The following LNX2 variants were observed in gnomAD, a reference collection of about 807,000 sequenced individuals.
LNX2 encodes ligand of numb-protein X 2.
A neutral mutation model predicts 66.2 loss-of-function variants in LNX2; 35 were observed. The observed-to-expected ratio is 0.53, with a 90% CI of 0.40 to 0.70. LNX2 has a LOEUF of 0.70. Among genes scored for constraint, LNX2 ranks in the 30% least tolerant of loss-of-function variants. LNX2 has a pLI of 0.00. For missense variants in LNX2, 791 were observed against 850.8 expected, an observed-to-expected ratio of 0.93 and a Z score of 0.87; for synonymous variants, 337 against 315.6, an observed-to-expected ratio of 1.07 and a Z score of -0.72.
At chr13:27,550,528 T>C in intron 8 of LNX2, 37 bp from the exon 9 acceptor site, 1 of 1,547,538 alleles carries the variant, frequency 6.5e-7, no homozygotes, top group Non-Finnish European at 8.8e-7. Context: ...AAAATTAACA[T>C]GGAGGCTTTT....
intron 9 of LNX2, among the ~76,000 whole-genome samples, chr13:27,549,707 T>C (rs1328367972): frequency 6.6e-6 from 1 of 152,248 alleles, no homozygotes; most frequent in Admixed American, 6.5e-5. Context: ...CCAGGCATCC[T>C]GTAAGCTATT....
rs142211787 is a variant in LNX2 at position 27,594,954 on chromosome 13, A to T, written c.-100-13151T>A. Among the ~76,000 whole-genome samples, 9 of 152,264 alleles carry T rather than the reference A, an allele frequency of 5.9e-5. No individual in the cohort carries two copies. The East Asian group carries it at 1.5e-3, about 26-fold the overall frequency. ...CTTCCGTCACAACACTAGTATCCAAAAAGCCATGATACTATTTTCCCTGCC... is the reference window on the plus strand; with the variant it reads ...CTTCCGTCACAACACTAGTATCCAATAAGCCATGATACTATTTTCCCTGCC... On this transcript the variant is annotated intron_variant, in intron 1 of 9. Coordinates refer to ENST00000316334, the MANE Select transcript of LNX2 (RefSeq NM_153371.4).
chr13:27,607,176 T>C (rs969624935), intron 1 of LNX2, among the ~76,000 whole-genome samples: 3 of 152,254 alleles, frequency 2.0e-5, no homozygotes, highest in Non-Finnish European at 1.5e-5. Flanking sequence ...AGTGTTATAA[T>C]ACATTTCTAA....
intron 1 of LNX2, among the ~76,000 whole-genome samples, chr13:27,595,043 A>C (rs1955582076): frequency 6.6e-6 from 1 of 152,184 alleles, no homozygotes; most frequent in Non-Finnish European, 1.5e-5. Flanking sequence ...TCAACCTTGC[A>C]ATTAAACCTT....
intron 4 of LNX2, among the ~76,000 whole-genome samples, chr13:27,563,015 G>A (rs34692286): frequency 4.6e-5 from 7 of 151,552 alleles, no homozygotes; most frequent in African/African-American, 7.3e-5. Flanking sequence ...CTAGGATCAC[G>A]GGCTTTAATG....
At chr13:27,597,539 T>A (rs1165784333) in intron 1 of LNX2, among the ~76,000 whole-genome samples, 10 of 152,172 alleles carry the variant, frequency 6.6e-5, no homozygotes, top group Non-Finnish European at 1.3e-4. Flanking sequence ...GTCTGAGGGC[T>A]GGACTAGGTA....
chr13:27,586,002 TTATA>T (rs74967249), intron 1 of LNX2, among the ~76,000 whole-genome samples: 13 of 130,968 alleles, frequency 9.9e-5, no homozygotes, highest in South Asian at 2.4e-4. Flanking sequence ...ATATATACAC[TTATA>T]TATATATATA....
At chr13:27,600,238 T>C (rs2138448628) in intron 1 of LNX2, among the ~76,000 whole-genome samples, 1 of 152,298 alleles carries the variant, frequency 6.6e-6, no homozygotes, top group Non-Finnish European at 1.5e-5. Flanking sequence ...TATTATGTTT[T>C]TGAAATTTTA....
At chr13:27,606,929 T>A (rs189637371) in intron 1 of LNX2, among the ~76,000 whole-genome samples, 2 of 152,288 alleles carry the variant, frequency 1.3e-5, no homozygotes, top group East Asian at 3.9e-4. Flanking sequence ...TAAGAACAAT[T>A]TTATGGAGCA....
At chr13:27,595,416 C>A (rs1042367012) in intron 1 of LNX2, among the ~76,000 whole-genome samples, 1 of 152,186 alleles carries the variant, frequency 6.6e-6, no homozygotes, top group Non-Finnish European at 1.5e-5. Context: ...CATCTCTATA[C>A]CCCCATGCCT....
At chr13:27,586,675 C>T (rs746022220) in intron 1 of LNX2, among the ~76,000 whole-genome samples, 19 of 152,182 alleles carry the variant, frequency 1.2e-4, no homozygotes, top group Non-Finnish European at 2.8e-4. Context: ...TATTATATAT[C>T]TGTGAGCAGT....
At chr13:27,603,749 G>A (rs1275019143) in intron 1 of LNX2, among the ~76,000 whole-genome samples, 1 of 151,866 alleles carries the variant, frequency 6.6e-6, no homozygotes, top group African/African-American at 2.4e-5. Context: ...TCAACAATGG[G>A]GCACAAAATT....
chr13:27,564,046 C>T (rs1955173800), intron 4 of LNX2, among the ~76,000 whole-genome samples: 1 of 152,176 alleles, frequency 6.6e-6, no homozygotes, highest in African/African-American at 2.4e-5. Context: ...ATTAGTCAAA[C>T]CACCATTTCC....
At chr13:27,609,287 G>C (rs1041339535) in intron 1 of LNX2, among the ~76,000 whole-genome samples, 1 of 151,960 alleles carries the variant, frequency 6.6e-6, no homozygotes, top group Non-Finnish European at 1.5e-5. Flanking sequence ...CAAGTAGCTG[G>C]AACTACAGGC....
intron 2 of LNX2, among the ~76,000 whole-genome samples, chr13:27,574,870 A>C (rs1357804419): frequency 6.6e-6 from 1 of 152,208 alleles, no homozygotes; most frequent in Non-Finnish European, 1.5e-5. Flanking sequence ...ATTTCTCTTC[A>C]GAAACCATGG....
In LNX2 at chr13:27,553,228, G is replaced by A. The variant is rs1196933119; in HGVS notation, c.1758C>T (p.Val586=). ...EYDASWSPSW[V]MWLGLPSTLH... ...AGTACCTGGGAAGCCCAAGCCACAT[G>A]ACCCATGATGGGGACCAACTGGCAT... Residue 586 remains valine, a synonymous_variant, in exon 8 of 10, where the codon GTC becomes GTT. Coordinates refer to ENST00000316334, the MANE Select transcript of LNX2 (RefSeq NM_153371.4). 1 of 1,613,906 alleles carries A rather than the reference G, an allele frequency of 6.2e-7. No individual in the cohort carries two copies. Among genetic ancestry groups the A allele is most frequent in the Non-Finnish European group, 8.5e-7 (1 of 1,179,998 alleles).
intron 4 of LNX2, 100 bp from the exon 5 acceptor site, chr13:27,562,881 G>C: frequency 3.3e-6 from 4 of 1,224,328 alleles, no homozygotes; most frequent in Admixed American, 2.1e-5. Context: ...AGTATTGTGA[G>C]AGTGCTAAGT....
intron 1 of LNX2, among the ~76,000 whole-genome samples, chr13:27,593,962 A>T (rs1955571604): frequency 6.6e-6 from 1 of 151,696 alleles, no homozygotes; most frequent in Admixed American, 6.6e-5. Flanking sequence ...ACAGCTGTCC[A>T]ATTACTTCCT....
intron 5 of LNX2, among the ~76,000 whole-genome samples, chr13:27,560,851 C>T (rs1955127222): frequency 6.6e-6 from 1 of 151,992 alleles, no homozygotes; most frequent in Non-Finnish European, 1.5e-5. Flanking sequence ...AATTGTGGTA[C>T]AAAGTGGAGA....
Sources: gnomAD v4.1 joint callset for allele counts (sites outside exome capture counted in the v4.1 genomes callset) on GRCh38, gnomAD v4.1.1 for gene constraint, MANE v1.5 for transcripts, NCBI Gene and HGNC (gene_info 2026-07-23, HGNC 2026-07-21) for gene names.